The following PRIM2 variants were observed in gnomAD, a reference collection of about 807,000 sequenced individuals.
The protein encoded by PRIM2 is DNA primase large subunit.
Under a neutral mutation model 67.3 loss-of-function variants are expected in PRIM2, and 39 were observed. That is an observed-to-expected ratio of 0.58 (90% CI 0.45 to 0.76). PRIM2 has a LOEUF of 0.76. PRIM2 is among the 30% of genes least tolerant of loss of function. The pLI is 0.00. For synonymous variants in PRIM2, 143 were observed against 198.7 expected (o/e 0.72, Z 2.36); for missense variants, 398 against 598.7 (o/e 0.66, Z 3.50).
chr6:57,255,422 C>T, the PRIM2 span, among the ~76,000 whole-genome samples: 10 of 151,294 alleles, frequency 6.6e-5, no homozygotes, highest in African/African-American at 2.2e-4. Flanking sequence ...GGCGTGAACC[C>T]GGGAGGCAGA....
intron 8 of PRIM2, among the ~76,000 whole-genome samples, chr6:57,517,075 G>A (rs1774502307): frequency 6.6e-6 from 1 of 152,192 alleles, no homozygotes; most frequent in Non-Finnish European, 1.5e-5. Context: ...GATACTGGGA[G>A]CCTTGTATGT....
the PRIM2 span, among the ~76,000 whole-genome samples, chr6:57,237,555 C>T: frequency 1.3e-5 from 2 of 152,142 alleles, no homozygotes; most frequent in Non-Finnish European, 2.9e-5. Flanking sequence ...TTAGGTCTAA[C>T]ATGTAAGTCT....
intron 7 of PRIM2, among the ~76,000 whole-genome samples, chr6:57,424,039 G>T (rs2127373901): frequency 6.6e-6 from 1 of 152,316 alleles, no homozygotes; most frequent in South Asian, 2.1e-4. Context: ...TGTGATGCCA[G>T]TGGTGGGTAG....
chr6:57,601,979 A>T (rs1776475908), intron 11 of PRIM2, among the ~76,000 whole-genome samples: 1 of 152,184 alleles, frequency 6.6e-6, no homozygotes, highest in East Asian at 1.9e-4. Flanking sequence ...ATGCCTATAC[A>T]TTCATTAGTT....
chr6:57,494,522 A>C (rs1773963361), intron 7 of PRIM2, among the ~76,000 whole-genome samples: 1 of 152,214 alleles, frequency 6.6e-6, no homozygotes, highest in Non-Finnish European at 1.5e-5. Flanking sequence ...AGGTGACCTA[A>C]GTTAACAGGG....
the PRIM2 span, among the ~76,000 whole-genome samples, chr6:57,246,940 C>T: frequency 1.3e-5 from 2 of 151,908 alleles, no homozygotes; most frequent in Non-Finnish European, 2.9e-5. Context: ...CTGCAAGCTC[C>T]GCCTCCTGGG....
chr6:57,226,708 A>C, the PRIM2 span, among the ~76,000 whole-genome samples: 1 of 152,208 alleles, frequency 6.6e-6, no homozygotes, highest in Admixed American at 6.5e-5. Flanking sequence ...ATGGGAGAGC[A>C]ATGGAAGGCC....
chr6:57,287,681 C>A, the PRIM2 span, among the ~76,000 whole-genome samples: 1 of 151,578 alleles, frequency 6.6e-6, no homozygotes, highest in East Asian at 1.9e-4. Context: ...ACTTATGTGA[C>A]GGGTTGATAG....
In PRIM2 at chr6:57,456,362, A is replaced by G. The variant is rs192917336; in HGVS notation, c.694-51025A>G. Among the ~76,000 whole-genome samples, 39 of 152,226 alleles carry G rather than the reference A, an allele frequency of 2.6e-4. 1 individual carries two copies. Among genetic ancestry groups the G allele is most frequent in the Non-Finnish European group, 4.6e-4 (31 of 68,012 alleles). On this transcript the variant is annotated intron_variant, in intron 7 of 13. Transcript: ENST00000615550. ...TGCTAGATTGGGGAAGTTCTCCTGG[A>G]TAATATCCTGCAGAGTGTTTTCCAA... is the stretch of plus-strand genomic sequence containing the variant.
At chr6:57,465,287 G>A (rs1475657245) in intron 7 of PRIM2, among the ~76,000 whole-genome samples, 1 of 152,148 alleles carries the variant, frequency 6.6e-6, no homozygotes, top group Admixed American at 6.5e-5. Context: ...ATGGGCGTAT[G>A]ATGCATTTGC....
intron 5 of PRIM2, among the ~76,000 whole-genome samples, chr6:57,336,734 G>A (rs2127288619): frequency 6.6e-6 from 1 of 152,186 alleles, no homozygotes; most frequent in Middle Eastern, 3.4e-3. Context: ...AGGAACAACT[G>A]GTACCAGCCA....
chr6:57,560,844 G>C (rs1381630811), intron 10 of PRIM2, among the ~76,000 whole-genome samples: 27 of 152,260 alleles, frequency 1.8e-4, no homozygotes, highest in Admixed American at 5.2e-4. Context: ...ACATTTTGCT[G>C]TTCCATTTAG....
At chr6:57,525,727 C>T (rs1425195840) in intron 8 of PRIM2, among the ~76,000 whole-genome samples, 3 of 152,220 alleles carry the variant, frequency 2.0e-5, no homozygotes, top group Non-Finnish European at 2.9e-5. Flanking sequence ...CCTACCTTCT[C>T]CTCTCACCCT....
chr6:57,342,196 C>T (rs898746488), intron 5 of PRIM2, among the ~76,000 whole-genome samples: 1 of 152,116 alleles, frequency 6.6e-6, no homozygotes, highest in Non-Finnish European at 1.5e-5. Context: ...GAATCCTTAT[C>T]ATGTAGTATA....
intron 6 of PRIM2, among the ~76,000 whole-genome samples, chr6:57,380,640 A>C (rs1769930919): frequency 6.6e-6 from 1 of 152,048 alleles, no homozygotes; most frequent in Admixed American, 6.6e-5. Flanking sequence ...TTTGAAAAGA[A>C]TGTGCTAATT....
chr6:57,565,212 A>G (rs1775714613), intron 10 of PRIM2, among the ~76,000 whole-genome samples: 2 of 151,440 alleles, frequency 1.3e-5, no homozygotes, highest in South Asian at 2.1e-4. Flanking sequence ...GTATACAAAT[A>G]CAAATTCTCA....
the PRIM2 span, among the ~76,000 whole-genome samples, chr6:57,240,565 G>C: frequency 1.1e-3 from 169 of 152,282 alleles, 1 homozygote; most frequent in African/African-American, 3.9e-3. Flanking sequence ...GGAAACAGGA[G>C]ACCAGCACAG....
At chr6:57,268,017 AT>A in the PRIM2 span, among the ~76,000 whole-genome samples, 1 of 152,176 alleles carries the variant, frequency 6.6e-6, no homozygotes, top group Admixed American at 6.5e-5. Flanking sequence ...TCTACTCAGC[AT>A]TTTGCAGGCT....
chr6:57,542,913 T>C (rs1649009776), intron 10 of PRIM2, among the ~76,000 whole-genome samples: 1 of 148,424 alleles, frequency 6.7e-6, no homozygotes, highest in African/African-American at 2.5e-5. Context: ...GTATAAAAAT[T>C]GTTGGCTTAA....
Sources: gnomAD v4.1 joint callset for allele counts (sites outside exome capture counted in the v4.1 genomes callset) on GRCh38, gnomAD v4.1.1 for gene constraint, MANE v1.5 for transcripts, NCBI Gene and HGNC (gene_info 2026-07-23, HGNC 2026-07-21) for gene names.